HS3ST4: variants seen among roughly 807,000 people sequenced by gnomAD.
HS3ST4 encodes the protein heparan sulfate-glucosamine 3-sulfotransferase 4.
In HS3ST4, 17 loss-of-function variants were observed where a neutral mutation model predicts 29.2. The observed-to-expected ratio is 0.58, with a 90% confidence interval of 0.40 to 0.87. HS3ST4 has a LOEUF of 0.87. Ranked by LOEUF, HS3ST4 falls within the 40% of genes least tolerant of loss-of-function variation. The pLI, the probability that HS3ST4 is intolerant of heterozygous loss-of-function variation, is 0.00. For missense variants in HS3ST4, 627 were observed against 634.5 expected (o/e 0.99, Z 0.13); for synonymous variants, 314 against 285.7 (o/e 1.10, Z -1.00).
chr16:25,698,866 G>A (rs929348615), intron 1 of HS3ST4, among the ~76,000 whole-genome samples: 1 of 152,196 alleles, frequency 6.6e-6, no homozygotes, highest in African/African-American at 2.4e-5. Flanking sequence ...AAATGAGCGA[G>A]GTAGACTAGG....
chr16:25,780,039 G>C (rs1003704987), intron 1 of HS3ST4, among the ~76,000 whole-genome samples: 2 of 152,156 alleles, frequency 1.3e-5, no homozygotes, highest in Middle Eastern at 3.2e-3. Context: ...GCAAGCGGGC[G>C]CACAAGTGTG....
intron 1 of HS3ST4, among the ~76,000 whole-genome samples, chr16:25,860,179 A>T (rs1967622438): frequency 6.6e-6 from 1 of 152,188 alleles, no homozygotes; most frequent in Non-Finnish European, 1.5e-5. Flanking sequence ...TGCTATTAGA[A>T]TGACCAAAAT....
intron 1 of HS3ST4, among the ~76,000 whole-genome samples, chr16:25,955,207 G>C (rs140579858): frequency 2.6e-5 from 4 of 152,132 alleles, no homozygotes; most frequent in Non-Finnish European, 4.4e-5. Flanking sequence ...TGGACCTCTG[G>C]TGCAGTGGTA....
chr16:25,724,006 C>T (rs1370854304), intron 1 of HS3ST4, among the ~76,000 whole-genome samples: 1 of 150,838 alleles, frequency 6.6e-6, no homozygotes, highest in Non-Finnish European at 1.5e-5. Context: ...CATAGCTACT[C>T]AGGAGGCTGA....
intron 1 of HS3ST4, among the ~76,000 whole-genome samples, chr16:25,953,499 A>G (rs1596624708): frequency 6.6e-6 from 1 of 152,266 alleles, no homozygotes; most frequent in South Asian, 2.1e-4. Flanking sequence ...TCTGCCCAAT[A>G]GGGTGTAAGC....
intron 1 of HS3ST4, among the ~76,000 whole-genome samples, chr16:25,896,693 G>A (rs568524989): frequency 1.4e-4 from 21 of 152,258 alleles, no homozygotes; most frequent in African/African-American, 3.6e-4. Context: ...ACGTGCACCC[G>A]TATGTTCATT....
chr16:25,932,192 T>C (rs1968470921), intron 1 of HS3ST4, among the ~76,000 whole-genome samples: 1 of 152,162 alleles, frequency 6.6e-6, no homozygotes. Context: ...CAGGTGCCTG[T>C]AGTCCCAGCT....
At chr16:25,826,804 A>T (rs997012732) in intron 1 of HS3ST4, among the ~76,000 whole-genome samples, 1 of 152,158 alleles carries the variant, frequency 6.6e-6, no homozygotes, top group African/African-American at 2.4e-5. Flanking sequence ...AATAGCTTTC[A>T]TGGTATATAA....
chr16:25,789,590 A>G (rs950740135), intron 1 of HS3ST4, among the ~76,000 whole-genome samples: 3 of 150,520 alleles, frequency 2.0e-5, no homozygotes, highest in Admixed American at 2.0e-4. Flanking sequence ...GGATTTTTCT[A>G]AAGTAATTGT....
chr16:25,904,620 T>C (rs1968161784), intron 1 of HS3ST4, among the ~76,000 whole-genome samples: 1 of 152,330 alleles, frequency 6.6e-6, no homozygotes, highest in Admixed American at 6.5e-5. Context: ...CATTTATTCC[T>C]ATCTTCATTC....
intron 1 of HS3ST4, among the ~76,000 whole-genome samples, chr16:25,954,030 G>A (rs570502610): frequency 2.0e-5 from 3 of 152,268 alleles, no homozygotes; most frequent in Admixed American, 2.0e-4. Flanking sequence ...GCAAAAAGGA[G>A]CTATCTGAAT....
intron 1 of HS3ST4, among the ~76,000 whole-genome samples, chr16:25,963,987 A>G (rs1221430092): frequency 6.6e-6 from 1 of 152,156 alleles, no homozygotes; most frequent in Non-Finnish European, 1.5e-5. Flanking sequence ...CCTGGCCAAC[A>G]TGATGAAACC....
At chr16:26,109,179 A>G (rs996900400) in intron 1 of HS3ST4, among the ~76,000 whole-genome samples, 1 of 152,340 alleles carries the variant, frequency 6.6e-6, no homozygotes, top group South Asian at 2.1e-4. Context: ...CAACTGTAAA[A>G]TATTTACAGC....
chr16:25,762,221 G>A (rs913961891), intron 1 of HS3ST4, among the ~76,000 whole-genome samples: 4 of 152,152 alleles, frequency 2.6e-5, no homozygotes, highest in African/African-American at 2.4e-5. Flanking sequence ...GGTTGTTTAA[G>A]CCAACAGAGT....
intron 1 of HS3ST4, among the ~76,000 whole-genome samples, chr16:25,717,203 G>C (rs928939741): frequency 6.6e-6 from 1 of 152,094 alleles, no homozygotes; most frequent in Admixed American, 6.5e-5. Flanking sequence ...GAAATTATTC[G>C]GACATGAATT....
intron 1 of HS3ST4, among the ~76,000 whole-genome samples, chr16:25,769,723 C>T (rs1004776791): frequency 6.6e-6 from 1 of 152,202 alleles, no homozygotes; most frequent in Non-Finnish European, 1.5e-5. Context: ...ATTCATCCAG[C>T]TAGCAAACAG....
intron 1 of HS3ST4, among the ~76,000 whole-genome samples, chr16:25,854,168 G>A (rs1409323779): frequency 6.6e-6 from 1 of 151,984 alleles, no homozygotes; most frequent in African/African-American, 2.4e-5. Context: ...GAGTGCAGTG[G>A]CACAATGATA....
chr16:26,092,508 C>T (rs768973425), intron 1 of HS3ST4, among the ~76,000 whole-genome samples: 1 of 152,136 alleles, frequency 6.6e-6, no homozygotes, highest in Non-Finnish European at 1.5e-5. Flanking sequence ...GTCTTATGTA[C>T]CTCTGGATCT....
At chr16:26,030,319 T>A (rs890277173) in intron 1 of HS3ST4, among the ~76,000 whole-genome samples, 13 of 152,168 alleles carry the variant, frequency 8.5e-5, no homozygotes, top group Non-Finnish European at 1.9e-4. Context: ...GTTAGGAAGA[T>A]CACTTAAGCT....
Sources: gnomAD v4.1 joint callset for allele counts (sites outside exome capture counted in the v4.1 genomes callset) on GRCh38, gnomAD v4.1.1 for gene constraint, MANE v1.5 for transcripts, NCBI Gene and HGNC (gene_info 2026-07-23, HGNC 2026-07-21) for gene names.